Variants in PLIN3 observed in about 807,000 individuals in gnomAD.
The protein encoded by PLIN3 is perilipin 3.
Under a neutral mutation model 35.9 loss-of-function variants are expected in PLIN3, and 30 were observed. That is an observed-to-expected ratio of 0.84 (90% CI 0.62 to 1.13). The LOEUF (loss-of-function observed/expected upper bound fraction) is 1.13. PLIN3 is among the 50% of genes most tolerant of loss of function. The probability of loss-of-function intolerance (pLI) is 0.00; values close to 1 mark genes in which losing one functional copy is unlikely to be tolerated. For synonymous variants in PLIN3, 261 were observed against 262.5 expected, an observed-to-expected ratio of 0.99 and a Z score of 0.06; for missense variants, 603 against 596.9, an observed-to-expected ratio of 1.01 and a Z score of -0.11.
At position 4,839,199 on chromosome 19, in the gene PLIN3, T is replaced by C; in HGVS notation, c.1298A>G (p.Lys433Arg). ...PGITEKAPEE[K>R]K ...GAGTCCTCTCCTCTCCCCCTACTTC[T>C]TCTCCTCCGGGGCTTTCTCAGTGAT... Residue 433 changes from lysine (K) to arginine (R), a missense_variant, in exon 8 of 8, where the codon AAG becomes AGG. Physicochemically the swap from Lys to Arg is conservative, Grantham distance 26. Transcript: ENST00000221957. 6.2e-7 allele frequency: 1 copy of C among 1,601,200 alleles called. No individual in the cohort carries two copies. Among genetic ancestry groups the C allele is most frequent in the South Asian group, 1.1e-5 (1 of 90,342 alleles).
At chr19:4,842,247 C>T (rs867190971) in intron 7 of PLIN3, among the ~76,000 whole-genome samples, 4 of 151,858 alleles carry the variant, frequency 2.6e-5, no homozygotes, top group Non-Finnish European at 5.9e-5. Flanking sequence ...GCAAACATGA[C>T]AGAACCCTGT....
chr19:4,843,446 G>T (rs944843268), intron 7 of PLIN3, among the ~76,000 whole-genome samples: 10 of 150,078 alleles, frequency 6.7e-5, no homozygotes, highest in Admixed American at 6.7e-5. Context: ...AGGCAGAGCT[G>T]GTAGTGAGCT....
At chr19:4,846,581 C>T (rs1297980283) in intron 6 of PLIN3, among the ~76,000 whole-genome samples, 3 of 152,018 alleles carry the variant, frequency 2.0e-5, no homozygotes, top group Non-Finnish European at 4.4e-5. Context: ...TGCCTGTGAT[C>T]CCAGCTACTC....
At chr19:4,844,528 G>T in intron 7 of PLIN3, 140 bp downstream of exon 7, 1 of 885,534 alleles carries the variant, frequency 1.1e-6, no homozygotes, top group Non-Finnish European at 1.6e-6. Context: ...CAGGCTTCCT[G>T]AAGGAGGTGT....
At chr19:4,854,497 A>G (rs1010549512) in intron 4 of PLIN3, among the ~76,000 whole-genome samples, 8 of 151,818 alleles carry the variant, frequency 5.3e-5, no homozygotes, top group Admixed American at 5.3e-4. Context: ...TCCACCTCCC[A>G]GGTTCAAGCG....
intron 7 of PLIN3, among the ~76,000 whole-genome samples, chr19:4,840,863 T>C: frequency 6.6e-6 from 1 of 152,136 alleles, no homozygotes; most frequent in Non-Finnish European, 1.5e-5. Context: ...AAGAACTGCT[T>C]GCACCCAGGA....
In PLIN3 at chr19:4,852,148, C is replaced by T. The variant is rs368870755; in HGVS notation, c.502G>A (p.Val168Ile). The T allele has an allele frequency of 1.7e-5, 28 of 1,614,082 alleles. No individual in the cohort carries two copies. The highest frequency in any genetic ancestry group is 3.3e-5 in the Admixed American group (2 of 60,022). ...VQSGVDKTKS[V>I]VTGGVQSVMG... ...ACCGATTGGACGCCGCCGGTCACTA[C>T]GGACTTTGTCTTGTCCACGCCGCTC... Residue 168 changes from valine (V) to isoleucine (I), a missense_variant, in exon 5 of 8, where the codon GTA (valine) becomes ATA (isoleucine). Coordinates refer to ENST00000221957, the MANE Select transcript of PLIN3 (RefSeq NM_005817.5).
At chr19:4,866,078 C>T (rs192668625) in intron 1 of PLIN3, among the ~76,000 whole-genome samples, 1 of 148,314 alleles carries the variant, frequency 6.7e-6, no homozygotes, top group Non-Finnish European at 1.5e-5. Context: ...AATGCAGTGG[C>T]GTGATCTCAG....
intron 5 of PLIN3, 116 bp downstream of exon 5, chr19:4,851,900 G>C (rs1022567621): frequency 9.2e-7 from 1 of 1,082,074 alleles, no homozygotes; most frequent in Non-Finnish European, 1.3e-6. Flanking sequence ...ATGCCCGGGA[G>C]AAGTGGCAGG....
intron 1 of PLIN3, among the ~76,000 whole-genome samples, chr19:4,866,297 CGT>C (rs1388278747): frequency 3.3e-5 from 5 of 152,118 alleles, no homozygotes; most frequent in African/African-American, 1.2e-4. Flanking sequence ...GGATTATAGG[CGT>C]GAGTCATCCT....
At position 4,861,808 on chromosome 19, in the gene PLIN3, T is replaced by A. The variant is rs559593332; in HGVS notation, c.-17-397A>T. On this transcript the variant is annotated intron_variant, in intron 1 of 7. Coordinates refer to ENST00000221957, the MANE Select transcript of PLIN3 (RefSeq NM_005817.5). ...CACCACCACGCCCAGCTAATTTTTG[T>A]ATTTTTAGTAGAGACGGGGTTTCAC... 2.0e-5 allele frequency among the ~76,000 whole-genome samples: 3 copies of A among 151,476 alleles called. No homozygotes were observed. In the South Asian group the frequency reaches 6.3e-4, roughly 32 times the overall value.
chr19:4,850,095 C>T (rs1317193241), intron 5 of PLIN3, among the ~76,000 whole-genome samples: 5 of 150,352 alleles, frequency 3.3e-5, no homozygotes, highest in Admixed American at 6.7e-5. Flanking sequence ...TACAGGGATG[C>T]GCCACCATGC....
rs368015374 is a variant in PLIN3 at position 4,859,584 on chromosome 19, C to T, written c.348+6G>A. On this transcript the variant is annotated splice_donor_region_variant and intron_variant, in intron 4 of 7. Coordinates refer to ENST00000221957, the MANE Select transcript of PLIN3 (RefSeq NM_005817.5). ...CGACAGAGCCCCTGAGGACGGACAT[C>T]GTTACCTTCTCCGTGGGCTGCTGCA... 1.2e-5 allele frequency: 20 copies of T among 1,612,842 alleles called. No homozygotes were observed. Among genetic ancestry groups the T allele is most frequent in the Non-Finnish European group, 1.5e-5 (18 of 1,178,942 alleles).
At chr19:4,861,263 G>C (rs1216323174) in intron 2 of PLIN3, 66 bp downstream of exon 2, 2 of 1,419,542 alleles carry the variant, frequency 1.4e-6, no homozygotes, top group Admixed American at 1.7e-5. Flanking sequence ...GGCACCCTGG[G>C]GTGGGAAGCC....
rs749011669 is a variant in PLIN3 at position 4,852,316 on chromosome 19, A to T, written c.349-15T>A. ...TCCGCCAGGACCTAGGAGATGCAAC[A>T]GCATCAGCATCTCTGCCTTCCCTCC... On this transcript the variant is annotated splice_polypyrimidine_tract_variant and intron_variant, in intron 4 of 7. Transcript: ENST00000221957. The T allele has an allele frequency of 1.1e-5, 18 of 1,595,660 alleles. No homozygotes were observed. Among genetic ancestry groups the T allele is most frequent in the Middle Eastern group, 1.7e-4 (1 of 6,052 alleles).
chr19:4,845,057 G>A (rs938757440), intron 6 of PLIN3, among the ~76,000 whole-genome samples: 25 of 152,134 alleles, frequency 1.6e-4, no homozygotes, highest in Non-Finnish European at 5.9e-5. Flanking sequence ...TTTCTCCTGC[G>A]CTTGCAAGGG....
In PLIN3 at chr19:4,841,919, A is replaced by G. The variant is rs570937681; in HGVS notation, c.961-2383T>C. ...GACTCCATCTCAAAAAAAAAAAAAA[A>G]AAAAAAAGAAAAAAAAAAGCTGTTA... On this transcript the variant is annotated intron_variant, in intron 7 of 7. Transcript: ENST00000221957. Among the ~76,000 whole-genome samples, 721 of 84,430 alleles carry G rather than the reference A, an allele frequency of 8.5e-3. 6 individuals are homozygous for G. Among genetic ancestry groups the G allele is most frequent in the African/African-American group, 0.031 (685 of 21,794 alleles). The allele number at this position is 84,430 out of a possible 152,430, so 55.4% of individuals were successfully genotyped here.
In PLIN3 at chr19:4,839,160, A is replaced by G; in HGVS notation, c.*32T>C. The G allele has an allele frequency of 6.5e-7, 1 of 1,537,068 alleles. No individual in the cohort carries two copies. The highest frequency in any genetic ancestry group is 1.2e-5 in the South Asian group (1 of 84,098). On this transcript the variant is annotated 3_prime_UTR_variant, in exon 8 of 8. Transcript: ENST00000221957. ...ACTCCAGAGCACAGCTGCATTATAG[A>G]GACGGGGCCCGCTGAGTCCTCTCCT...
intron 7 of PLIN3, among the ~76,000 whole-genome samples, chr19:4,843,971 G>A (rs1394018601): frequency 6.6e-6 from 1 of 152,094 alleles, no homozygotes; most frequent in Non-Finnish European, 1.5e-5. Context: ...CTAATTTCAG[G>A]ACATTTTCTG....
Sources: gnomAD v4.1 joint callset for allele counts (sites outside exome capture counted in the v4.1 genomes callset) on GRCh38, gnomAD v4.1.1 for gene constraint, MANE v1.5 for transcripts, NCBI Gene and HGNC (gene_info 2026-07-23, HGNC 2026-07-21) for gene names.